NPSR1: variants seen among roughly 807,000 people sequenced by gnomAD.
NPSR1 encodes neuropeptide S receptor 1.
Under a neutral mutation model 46.9 loss-of-function variants are expected in NPSR1, and 48 were observed. The ratio of observed to expected loss-of-function variants is 1.02; its 90% CI spans 0.81 to 1.30. The LOEUF (loss-of-function observed/expected upper bound fraction) is 1.30, where lower values mean the gene tolerates loss of function less well. Ranked by LOEUF, NPSR1 falls within the 50% of genes most tolerant of loss-of-function variation. NPSR1 has a pLI of 0.00. For missense variants in NPSR1, 450 were observed against 449.5 expected, an observed-to-expected ratio of 1.00 and a Z score of -0.01; for synonymous variants, 176 against 168.1, an observed-to-expected ratio of 1.05 and a Z score of -0.36.
intron 3 of NPSR1, among the ~76,000 whole-genome samples, chr7:34,806,677 C>A (rs79219396): frequency 0.074 from 11,246 of 152,040 alleles, 505 homozygotes; most frequent in East Asian, 0.12. Context: ...ATAATATATC[C>A]ATATTGGTTC....
intron 2 of NPSR1, among the ~76,000 whole-genome samples, chr7:34,714,305 C>G (rs982654367): frequency 6.6e-6 from 1 of 152,206 alleles, no homozygotes; most frequent in African/African-American, 2.4e-5. Flanking sequence ...TGAGTCCCAG[C>G]TCCAGCCAGG....
intron 2 of NPSR1, among the ~76,000 whole-genome samples, chr7:34,706,778 TA>T (rs575660546): frequency 9.2e-5 from 14 of 152,190 alleles, no homozygotes; most frequent in Non-Finnish European, 2.1e-4. Flanking sequence ...CTTTTTCTGA[TA>T]TTTTTGTGCT....
chr7:34,754,779 T>G (rs1785735111), intron 2 of NPSR1, among the ~76,000 whole-genome samples: 1 of 152,174 alleles, frequency 6.6e-6, no homozygotes, highest in Admixed American at 6.5e-5. Flanking sequence ...ACCTTTTAGC[T>G]ATAACTCCCA....
intron 2 of NPSR1, among the ~76,000 whole-genome samples, chr7:34,743,492 G>A (rs565508251): frequency 6.0e-5 from 9 of 151,046 alleles, no homozygotes; most frequent in Admixed American, 1.3e-4. Flanking sequence ...CCAGGCTGGC[G>A]TGCAGTGGCA....
chr7:34,805,479 C>CAAAAAAA (rs57776086), intron 3 of NPSR1, among the ~76,000 whole-genome samples: 9 of 71,902 alleles, frequency 1.3e-4, no homozygotes, highest in East Asian at 5.2e-4. Context: ...TATCCACATG[C>CAAAAAAA]AAAAAAAAAA....
At chr7:34,786,873 C>A (rs974742502) in intron 3 of NPSR1, among the ~76,000 whole-genome samples, 1 of 151,988 alleles carries the variant, frequency 6.6e-6, no homozygotes, top group Admixed American at 6.6e-5. Flanking sequence ...GATGTGCTGC[C>A]CTTTAGGCTT....
intron 7 of NPSR1, 40 bp downstream of exon 7, chr7:34,845,022 C>T (rs369845158): frequency 2.9e-5 from 42 of 1,453,098 alleles, no homozygotes; most frequent in Admixed American, 8.4e-5. Context: ...GTGGTATGAA[C>T]GTCCCAAAAG....
chr7:34,724,792 T>G (rs1349608392), intron 2 of NPSR1, among the ~76,000 whole-genome samples: 1 of 152,200 alleles, frequency 6.6e-6, no homozygotes, highest in Non-Finnish European at 1.5e-5. Context: ...CTTAGCATAG[T>G]ATCTAGGTTA....
chr7:34,826,874 C>G (rs893786660), intron 4 of NPSR1, among the ~76,000 whole-genome samples: 1 of 134,992 alleles, frequency 7.4e-6, no homozygotes, highest in African/African-American at 2.9e-5. Flanking sequence ...TGTAAGTCCA[C>G]CCATGTTCCT....
intron 5 of NPSR1, among the ~76,000 whole-genome samples, chr7:34,828,054 T>C (rs918297174): frequency 2.0e-5 from 3 of 152,204 alleles, no homozygotes; most frequent in Admixed American, 6.5e-5. Context: ...TTTCAGGGAT[T>C]TTGTAAATGA....
chr7:34,737,425 A>G (rs534788096), intron 2 of NPSR1, among the ~76,000 whole-genome samples: 16 of 152,322 alleles, frequency 1.1e-4, no homozygotes, highest in Admixed American at 8.5e-4. Context: ...TTTACCACCC[A>G]TTAGAGGAAA....
At chr7:34,663,713 C>A (rs1462637309) in intron 1 of NPSR1, among the ~76,000 whole-genome samples, 2 of 152,206 alleles carry the variant, frequency 1.3e-5, no homozygotes, top group African/African-American at 4.8e-5. Flanking sequence ...CCTCAGCGAC[C>A]CCCCTGTCAT....
intron 4 of NPSR1, among the ~76,000 whole-genome samples, chr7:34,824,514 A>G (rs1158846369): frequency 6.6e-6 from 1 of 152,202 alleles, no homozygotes; most frequent in Non-Finnish European, 1.5e-5. Context: ...GCTGCGTCAC[A>G]GCCTAAGAGA....
intron 3 of NPSR1, among the ~76,000 whole-genome samples, chr7:34,793,523 T>C (rs1157595912): frequency 3.9e-5 from 6 of 152,160 alleles, no homozygotes; most frequent in Non-Finnish European, 5.9e-5. Context: ...CACAGTAAGA[T>C]ACCACCTCAG....
intron 8 of NPSR1, among the ~76,000 whole-genome samples, chr7:34,861,784 G>A (rs777735413): frequency 2.6e-4 from 39 of 151,954 alleles, no homozygotes; most frequent in Admixed American, 7.9e-4. Flanking sequence ...ATGATGCATG[G>A]TTCAGCCATT....
chr7:34,755,535 T>C lies in NPSR1; in HGVS notation c.281-22927T>C, dbSNP rs375447103. Among the ~76,000 whole-genome samples the C allele has an allele frequency of 2.3e-4, 35 of 152,220 alleles. 2 individuals are homozygous for C. Among genetic ancestry groups the C allele is most frequent in the East Asian group, 1.2e-3 (6 of 5,198 alleles). Reference sequence around the variant, plus strand: ...TGAATGGTGTTCTACTGTGTGAACATACTACAGTTGCTTTTTTCATTCCAC... The same window carrying C: ...TGAATGGTGTTCTACTGTGTGAACACACTACAGTTGCTTTTTTCATTCCAC... On this transcript the variant is annotated intron_variant, in intron 2 of 8. Coordinates refer to ENST00000360581, the MANE Select transcript of NPSR1 (RefSeq NM_207172.2).
Position 34,848,661 on chromosome 7 carries a change from C to T in NPSR1, c.1023C>T (p.Cys341=). ...CVFSSSISFP[C]REQRSQDSRM... ...TCAGCAGCTCCATCTCTTTCCCCTG[C>T]AGGTAAGGGGAGCTCTTGCATGGGT... The change falls in exon 8 of 9, where the codon TGC becomes TGT. Residue 341 remains cysteine (C), a splice_region_variant and synonymous_variant. Coordinates refer to ENST00000360581, the MANE Select transcript of NPSR1 (RefSeq NM_207172.2). The T allele has an allele frequency of 6.2e-7, 1 of 1,613,000 alleles. No individual in the cohort carries two copies. Among genetic ancestry groups the T allele is most frequent in the Non-Finnish European group, 8.5e-7 (1 of 1,179,422 alleles).
At chr7:34,732,079 CA>C (rs535991989) in intron 2 of NPSR1, among the ~76,000 whole-genome samples, 2,294 of 93,876 alleles carry the variant, frequency 0.024, 17 homozygotes, top group African/African-American at 0.032. Context: ...GACTTCATCT[CA>C]AAAAAAAAAA....
intron 2 of NPSR1, among the ~76,000 whole-genome samples, chr7:34,715,118 T>C (rs965999274): frequency 6.6e-6 from 1 of 152,234 alleles, no homozygotes; most frequent in African/African-American, 2.4e-5. Flanking sequence ...CTGTGGCAGG[T>C]TCTGCTCTGT....
Sources: allele counts gnomAD v4.1 joint callset (sites outside exome capture counted in the v4.1 genomes callset), GRCh38; gene constraint gnomAD v4.1.1; transcripts MANE v1.5; gene names NCBI Gene and HGNC (gene_info 2026-07-23, HGNC 2026-07-21).